KIAA1217: variants seen among roughly 807,000 people sequenced by gnomAD.
KIAA1217 encodes KIAA1217, also known as sickle tail protein homolog.
Under a neutral mutation model 163.9 loss-of-function variants are expected in KIAA1217, and 88 were observed. That is an observed-to-expected ratio of 0.54 (90% CI 0.45 to 0.64). KIAA1217 has a LOEUF of 0.64. Among genes scored for constraint, KIAA1217 ranks in the 30% least tolerant of loss-of-function variants. The pLI, the probability that KIAA1217 is intolerant of heterozygous loss-of-function variation, is 0.00. For synonymous variants in KIAA1217, 903 were observed against 923.1 expected (o/e 0.98, Z 0.39); for missense variants, 2,372 against 2,475.0 (o/e 0.96, Z 0.88).
intron 2 of KIAA1217, among the ~76,000 whole-genome samples, chr10:24,243,394 A>C (rs1359761640): frequency 6.6e-6 from 1 of 151,806 alleles, no homozygotes; most frequent in Non-Finnish European, 1.5e-5. Context: ...CCCATAGGTA[A>C]TTTTTCAACC....
At chr10:24,158,527 G>T in intron 2 of KIAA1217, 1 of 516,224 alleles carries the variant, frequency 1.9e-6, no homozygotes. Flanking sequence ...GATTTTTAGA[G>T]AATTCATCAT....
chr10:24,415,885 A>G (rs2131421341), intron 3 of KIAA1217, among the ~76,000 whole-genome samples: 1 of 152,324 alleles, frequency 6.6e-6, no homozygotes, highest in East Asian at 1.9e-4. Flanking sequence ...CTGCCAGCAG[A>G]TCCACACCCT....
At chr10:23,861,266 G>T (rs1839938070) in intron 1 of KIAA1217, among the ~76,000 whole-genome samples, 1 of 152,050 alleles carries the variant, frequency 6.6e-6, no homozygotes, top group African/African-American at 2.4e-5. Context: ...AGTAACACAG[G>T]CAGGAGATCC....
At chr10:24,484,531 G>A (rs929912318) in intron 6 of KIAA1217, among the ~76,000 whole-genome samples, 1 of 151,722 alleles carries the variant, frequency 6.6e-6, no homozygotes, top group Admixed American at 6.6e-5. Flanking sequence ...ACAGGTGTGA[G>A]CCACCGTGTA....
At chr10:24,050,868 A>G (rs970536229) in intron 2 of KIAA1217, among the ~76,000 whole-genome samples, 1 of 152,102 alleles carries the variant, frequency 6.6e-6, no homozygotes, top group African/African-American at 2.4e-5. Flanking sequence ...AAAAGCAAAA[A>G]CTGCTAGAAC....
At chr10:23,856,119 GT>G (rs1232363083) in intron 1 of KIAA1217, among the ~76,000 whole-genome samples, 5 of 152,180 alleles carry the variant, frequency 3.3e-5, no homozygotes, top group African/African-American at 1.2e-4. Context: ...TTTCTGCTCT[GT>G]TTTTTCCCCA....
intron 2 of KIAA1217, among the ~76,000 whole-genome samples, chr10:24,137,481 C>T (rs1435677990): frequency 6.6e-6 from 1 of 152,220 alleles, no homozygotes; most frequent in Non-Finnish European, 1.5e-5. Flanking sequence ...GAAGTTCTCA[C>T]ATTTGAGCAA....
rs537702222 is a variant in KIAA1217, at chr10:24,010,965, C to G, written c.-171+3591C>G. Among the ~76,000 whole-genome samples, 3 of 152,246 alleles carry G rather than the reference C, an allele frequency of 2.0e-5. No individual in the cohort carries two copies. The South Asian group carries it at 6.2e-4, about 32-fold the overall frequency. ...TACTTTTTGAAGCCAAGACATCCAACAGCTATAAGTCCAATCTCTCCTTAA... is the reference window on the plus strand; with the variant it reads ...TACTTTTTGAAGCCAAGACATCCAAGAGCTATAAGTCCAATCTCTCCTTAA... On this transcript the variant is annotated intron_variant, in intron 2 of 18. Coordinates refer to the KIAA1217 transcript ENST00000376462.
In KIAA1217 at chr10:24,089,130, G is replaced by T. The variant is rs1205717205; in HGVS notation, c.-171+81756G>T. ...GTCTGTTCATATCCTTCGCCCAGTT[G>T]CTGATGGGGTTGTTTGTTTTTTTCT... On this transcript the variant is annotated intron_variant, in intron 2 of 18. Transcript: ENST00000376462. Among the ~76,000 whole-genome samples, 54 of 124,690 alleles carry T rather than the reference G, an allele frequency of 4.3e-4. 2 individuals carry two copies. The highest frequency in any genetic ancestry group is 1.3e-3 in the African/African-American group (52 of 39,944). 81.8% of individuals were successfully genotyped at this position (124,690 alleles called of 152,430 possible). A position where few individuals can be genotyped will look rare whatever the true frequency, so the allele number is the denominator to read the frequency against.
At chr10:23,972,657 CAT>C (rs938613036) in intron 1 of KIAA1217, among the ~76,000 whole-genome samples, 9 of 149,264 alleles carry the variant, frequency 6.0e-5, no homozygotes, top group African/African-American at 2.2e-4. Flanking sequence ...CACATGCACA[CAT>C]ATGTTTATTG....
chr10:24,023,962 C>T (rs749093349), intron 2 of KIAA1217, among the ~76,000 whole-genome samples: 5 of 151,076 alleles, frequency 3.3e-5, no homozygotes, highest in Non-Finnish European at 4.4e-5. Context: ...GGTGAGGGGA[C>T]GCAGTATTGA....
chr10:24,235,376 A>G (rs2072091730), intron 2 of KIAA1217, among the ~76,000 whole-genome samples: 1 of 152,242 alleles, frequency 6.6e-6, no homozygotes, highest in Admixed American at 6.5e-5. Context: ...AGAGCCAAAG[A>G]TCAAGGGTTT....
At chr10:24,220,630 A>G (rs1410013712) in intron 2 of KIAA1217, among the ~76,000 whole-genome samples, 1 of 148,362 alleles carries the variant, frequency 6.7e-6, no homozygotes, top group African/African-American at 2.5e-5. Context: ...AATTTTTTGT[A>G]TTTTTAGTAG....
rs950816661 is a variant in KIAA1217 at position 24,404,223 on chromosome 10, A to G, written c.553+23156A>G. On this transcript the variant is annotated intron_variant, in intron 3 of 20. Transcript: ENST00000376454. ...GGAGCCTCCCGCTTTGGCCTCCCAAAGTGCTGAGATTAAGGCATGAGCCAC... is the reference window on the plus strand; with the variant it reads ...GGAGCCTCCCGCTTTGGCCTCCCAAGGTGCTGAGATTAAGGCATGAGCCAC... 2.6e-5 allele frequency among the ~76,000 whole-genome samples: 4 copies of G among 152,282 alleles called. No individual in the cohort carries two copies. The South Asian group carries it at 8.3e-4, about 32-fold the overall frequency.
intron 1 of KIAA1217, among the ~76,000 whole-genome samples, chr10:23,728,114 G>C (rs535499791): frequency 6.6e-6 from 1 of 152,108 alleles, no homozygotes; most frequent in South Asian, 2.1e-4. Context: ...ACATACATGT[G>C]CGTGTATCTT....
At position 23,932,518 on chromosome 10, in the gene KIAA1217, T is replaced by G. The variant is rs976582972; in HGVS notation, c.-320-74707T>G. ...CAACTCTGGGCCTAATACACAACTT[T>G]GAAGAAATGTGTGTGTGGGAGTGTT... On this transcript the variant is annotated intron_variant, in intron 1 of 18. Coordinates refer to the KIAA1217 transcript ENST00000376462. 5.4e-5 allele frequency among the ~76,000 whole-genome samples: 8 copies of G among 147,684 alleles called. No individual in the cohort carries two copies. In the Admixed American group the frequency reaches 5.4e-4, roughly 10 times the overall value.
chr10:23,937,231 G>C (rs527754326), intron 1 of KIAA1217, among the ~76,000 whole-genome samples: 2 of 152,262 alleles, frequency 1.3e-5, no homozygotes, highest in East Asian at 3.9e-4. Context: ...TGTAATTATA[G>C]GGACGGAGCT....
intron 1 of KIAA1217, among the ~76,000 whole-genome samples, chr10:23,862,117 G>A (rs12243197): frequency 0.037 from 5,617 of 152,216 alleles, 315 homozygotes; most frequent in African/African-American, 0.12. Context: ...TGGGTACTGA[G>A]ATGCATTTAG....
At chr10:24,363,964 A>G (rs2050383009) in intron 2 of KIAA1217, among the ~76,000 whole-genome samples, 1 of 146,824 alleles carries the variant, frequency 6.8e-6, no homozygotes, top group Non-Finnish European at 1.5e-5. Flanking sequence ...AAAACACTCA[A>G]CTCTGGTCTC....
Sources: allele counts gnomAD v4.1 joint callset (sites outside exome capture counted in the v4.1 genomes callset), GRCh38; gene constraint gnomAD v4.1.1; transcripts MANE v1.5; gene names NCBI Gene and HGNC (gene_info 2026-07-23, HGNC 2026-07-21).